Variants in PRR12 observed in about 807,000 individuals in gnomAD.
The protein encoded by PRR12 is proline-rich protein 12.
In PRR12, 12 loss-of-function variants were observed where a neutral mutation model predicts 138.0. The observed-to-expected ratio is 0.09, with a 90% confidence interval of 0.06 to 0.14. The LOEUF is 0.14. Among genes scored for constraint, PRR12 ranks in the 10% least tolerant of loss-of-function variants. PRR12 has a pLI of 1.00. For synonymous variants in PRR12, 1,567 were observed against 1,291.7 expected (o/e 1.21, Z -4.57); for missense variants, 2,692 against 2,861.3 (o/e 0.94, Z 1.35).
chr19:49,597,083 C>T lies in PRR12; in HGVS notation c.2748C>T (p.Pro916=). The T allele has an allele frequency of 6.4e-7, 1 of 1,552,254 alleles. No individual in the cohort carries two copies. The highest frequency in any genetic ancestry group is 8.7e-7 in the Non-Finnish European group (1 of 1,148,262). Residue 916 remains proline (P), a synonymous_variant, in exon 4 of 14, where the codon CCC becomes CCT. Coordinates refer to ENST00000418929, the MANE Select transcript of PRR12 (RefSeq NM_020719.3). This position sits in a 1 kb window ranked among gnomAD's most constrained non-coding sequence, Gnocchi z 6.3. ...ATCCCGCAGGCGCCTACCGCAGCCC[C>T]AGCCCGCAAGGCACCAAGGCGCCGC... is the stretch of plus-strand genomic sequence containing the variant. ...GKDPAGAYRS[P]SPQGTKAPRF...
At chr19:49,600,523 C>T (rs1300968920) in intron 5 of PRR12, among the ~76,000 whole-genome samples, 2 of 150,874 alleles carry the variant, frequency 1.3e-5, no homozygotes, top group Non-Finnish European at 3.0e-5. Context: ...TGGTGGACCA[C>T]ACCTGTAATC....
At chr19:49,621,302 C>T (rs1470665110) in intron 10 of PRR12, among the ~76,000 whole-genome samples, 5 of 126,334 alleles carry the variant, frequency 4.0e-5, no homozygotes, top group Admixed American at 1.7e-4. Context: ...GGGGTCTGGA[C>T]TCCTGGGTCT....
At position 49,596,687 on chromosome 19, in the gene PRR12, G is replaced by A; in HGVS notation, c.2352G>A (p.Glu784=). ...CCACTCCCCATGGCCTCCTTCTGGA[G>A]GCCGGGGGCCCTGACCTCCCACTGG... ...TQPTPHGLLL[E]AGGPDLPLVL... Residue 784 remains glutamate, a synonymous_variant, in exon 4 of 14, where the codon GAG becomes GAA. Coordinates refer to ENST00000418929, the MANE Select transcript of PRR12 (RefSeq NM_020719.3). The surrounding 1 kb of genome is among the most constrained non-coding windows in gnomAD (Gnocchi z 5.6). 1 of 1,603,982 alleles carries A rather than the reference G, an allele frequency of 6.2e-7. No homozygotes were observed.
In PRR12 at chr19:49,591,289, C is replaced by G. The variant is rs1036958288; in HGVS notation, c.-366C>G. The stretch of plus-strand genomic sequence containing the variant: ...AGCGAGCACCCAGCGCCTGCACCCA[C>G]CCCGGGGCCGCCCGGGACGCCCCCT... On this transcript the variant is annotated 5_prime_UTR_variant, in exon 1 of 14. Coordinates refer to ENST00000418929, the MANE Select transcript of PRR12 (RefSeq NM_020719.3). Among the ~76,000 whole-genome samples, 6 of 151,020 alleles carry G rather than the reference C, an allele frequency of 4.0e-5. No individual in the cohort carries two copies. The highest frequency in any genetic ancestry group is 1.5e-4 in the African/African-American group (6 of 41,112).
intron 1 of PRR12, among the ~76,000 whole-genome samples, chr19:49,592,858 C>T (rs932483442): frequency 2.0e-4 from 31 of 152,278 alleles, no homozygotes; most frequent in South Asian, 4.1e-4. Flanking sequence ...CCAACTTGTT[C>T]TGCACCACCC....
In PRR12 at chr19:49,596,994, C is replaced by G; in HGVS notation, c.2659C>G (p.Leu887Val). Residue 887 changes from leucine (L) to valine (V), a missense_variant, in exon 4 of 14, where the codon CTG (leucine) becomes GTG (valine). Leu to Val is a conservative substitution (Grantham distance 32, BLOSUM62 1). Around this residue, in one of 11 missense-constraint regions of PRR12, gnomAD observed 840 missense variants for 689.8 expected, o/e 1.22. Coordinates refer to ENST00000418929, the MANE Select transcript of PRR12 (RefSeq NM_020719.3). This position sits in a 1 kb window ranked among gnomAD's most constrained non-coding sequence, Gnocchi z 5.6. The stretch of plus-strand genomic sequence containing the variant: ...CGCCATGCAGGAATTGCTCGGGGCT[C>G]TGGAGCCGCTGCCCCCGGCGCCTGG... ...PGAMQELLGA[L>V]EPLPPAPGDT... The G allele has an allele frequency of 1.3e-6, 2 of 1,558,576 alleles. No individual in the cohort carries two copies. Among genetic ancestry groups the G allele is most frequent in the Non-Finnish European group, 1.7e-6 (2 of 1,154,936 alleles).
chr19:49,625,036 G>T lies in PRR12; in HGVS notation c.5868+46G>T, dbSNP rs745660452. The T allele has an allele frequency of 6.2e-7, 1 of 1,612,004 alleles. No individual in the cohort carries two copies. The highest frequency in any genetic ancestry group is 8.5e-7 in the Non-Finnish European group (1 of 1,178,568). Reference sequence around the variant, plus strand: ...TGGGAGTGGGGAGTGCTGGCGGTATGTGGGAAGGGAGGAGAGGGGCTGCCA... The same window carrying T: ...TGGGAGTGGGGAGTGCTGGCGGTATTTGGGAAGGGAGGAGAGGGGCTGCCA... On this transcript the variant is annotated intron_variant, in intron 12 of 13. Coordinates refer to ENST00000418929, the MANE Select transcript of PRR12 (RefSeq NM_020719.3). The surrounding 1 kb of genome is among the most constrained non-coding windows in gnomAD (Gnocchi z 5.5).
chr19:49,625,387 C>A lies in PRR12; in HGVS notation c.5965-74C>A, dbSNP rs1050271553. The A allele has an allele frequency of 7.4e-6, 11 of 1,482,666 alleles. No individual in the cohort carries two copies. The highest frequency in any genetic ancestry group is 2.6e-5 in the South Asian group (2 of 76,734). The allele number at this position is 1,482,666 out of a possible 1,614,324, so 91.8% of individuals were successfully genotyped here. ...GGACACTGACATCTGACACCCCAGG[C>A]CCCATGCCCCAGCCCCTTCCCTCCC... On this transcript the variant is annotated intron_variant, in intron 13 of 13. Coordinates refer to ENST00000418929, the MANE Select transcript of PRR12 (RefSeq NM_020719.3). The surrounding 1 kb of genome is among the most constrained non-coding windows in gnomAD (Gnocchi z 5.5).
rs748337015 is a variant in PRR12 at position 49,594,738 on chromosome 19, G to A, written c.403G>A (p.Ala135Thr). ...CCCCACGGAGCTCTTCATCTCGGGT[G>A]CCCTGCCGGGTTCCAGCACCTTTCC... ...PGPTELFISG[A>T]LPGSSTFPSS... The change falls in exon 4 of 14, where the codon GCC becomes ACC. Residue 135 changes from alanine (A) to threonine (T), a missense_variant. By Grantham distance (58) the Ala-to-Thr change is moderately conservative. Coordinates refer to ENST00000418929, the MANE Select transcript of PRR12 (RefSeq NM_020719.3). The surrounding 1 kb of genome is among the most constrained non-coding windows in gnomAD (Gnocchi z 5.6). 1 of 1,613,308 alleles carries A rather than the reference G, an allele frequency of 6.2e-7. No individual in the cohort carries two copies. Among genetic ancestry groups the A allele is most frequent in the Admixed American group, 1.7e-5 (1 of 59,976 alleles).
At position 49,596,843 on chromosome 19, in the gene PRR12, T is replaced by TCCACCGCCACCCCCGCCTCCA; in HGVS notation, c.2514_2534dup (p.Pro839_Pro845dup). 1.3e-6 allele frequency: 2 copies of TCCACCGCCACCCCCGCCTCCA among 1,546,752 alleles called. No homozygotes were observed. The highest frequency in any genetic ancestry group is 1.7e-6 in the Non-Finnish European group (2 of 1,148,746). On this transcript the variant is annotated inframe_insertion, in exon 4 of 14. Transcript: ENST00000418929. The surrounding 1 kb of genome is among the most constrained non-coding windows in gnomAD (Gnocchi z 5.6). ...CCCGCGATGGGGCACCCCAGCCACCTCCACCGCCACCCCCGCCTCCACCAC... is the reference window on the plus strand; with the variant it reads ...CCCGCGATGGGGCACCCCAGCCACCTCCACCGCCACCCCCGCCTCCACCACCGCCACCCCCGCCTCCACCAC...
At position 49,614,706 on chromosome 19, in the gene PRR12, C is replaced by A; in HGVS notation, c.4890+57C>A. On this transcript the variant is annotated intron_variant, in intron 7 of 13. Transcript: ENST00000418929. The surrounding 1 kb of genome is among the most constrained non-coding windows in gnomAD (Gnocchi z 5.0). ...GGCCCCGGGGCGTGGTATCTAGGAG[C>A]TGGGGTTCCCCTTAGTGTGGCTGTG... 3 of 1,497,546 alleles carry A rather than the reference C, an allele frequency of 2.0e-6. No homozygotes were observed. The highest frequency in any genetic ancestry group is 9.1e-7 in the Non-Finnish European group (1 of 1,102,432). 92.8% of individuals were successfully genotyped at this position (1,497,546 alleles called of 1,614,324 possible). A position where few individuals can be genotyped will look rare whatever the true frequency, so the allele number is the denominator to read the frequency against.
chr19:49,617,370 G>A (rs983012612), intron 9 of PRR12, among the ~76,000 whole-genome samples: 2 of 151,992 alleles, frequency 1.3e-5, no homozygotes, highest in African/African-American at 4.8e-5. Context: ...GCTCGCACCG[G>A]TAATCCCTTC....
In PRR12 at chr19:49,597,186, G is replaced by A. The variant is rs1471555850; in HGVS notation, c.2851G>A (p.Glu951Lys). The change falls in exon 4 of 14, where the codon GAG becomes AAG. Residue 951 changes from glutamate to lysine, a missense_variant. Glu to Lys is a moderately conservative substitution (Grantham distance 56, BLOSUM62 1). Transcript: ENST00000418929. The surrounding 1 kb of genome is among the most constrained non-coding windows in gnomAD (Gnocchi z 6.3). The stretch of plus-strand genomic sequence containing the variant: ...GGAGCGCAGCTTCTTCCCCACCATG[G>A]AGGAGATGTTCGGTGGAGGGGCCGC... Reference protein sequence around the residue: ...DEERSFFPTMEEMFGGGAADD... With the variant: ...DEERSFFPTMKEMFGGGAADD... 1 of 1,555,996 alleles carries A rather than the reference G, an allele frequency of 6.4e-7. No individual in the cohort carries two copies. The highest frequency in any genetic ancestry group is 8.7e-7 in the Non-Finnish European group (1 of 1,149,916).
chr19:49,620,774 G>A (rs1456189234), intron 10 of PRR12, among the ~76,000 whole-genome samples: 2 of 144,112 alleles, frequency 1.4e-5, no homozygotes, highest in Non-Finnish European at 3.1e-5. Context: ...AGGAAGGGCT[G>A]GGGGCCTGGA....
At chr19:49,620,019 A>C (rs573556969) in intron 9 of PRR12, among the ~76,000 whole-genome samples, 1 of 150,886 alleles carries the variant, frequency 6.6e-6, no homozygotes, top group African/African-American at 2.4e-5. Context: ...CGCCTGGATA[A>C]TTTTTGTATT....
intron 11 of PRR12, among the ~76,000 whole-genome samples, chr19:49,622,291 C>T (rs936662802): frequency 1.4e-4 from 22 of 152,012 alleles, no homozygotes; most frequent in African/African-American, 3.4e-4. Flanking sequence ...TTAGAAAATA[C>T]GCAGGAAGGC....
At chr19:49,622,662 C>T (rs1408875571) in intron 11 of PRR12, among the ~76,000 whole-genome samples, 5 of 148,654 alleles carry the variant, frequency 3.4e-5, no homozygotes, top group African/African-American at 1.0e-4. Flanking sequence ...GAGGCCAAGA[C>T]GGATGGATCA....
In PRR12 at chr19:49,620,389, G is replaced by A. The variant is rs189353817; in HGVS notation, c.5535G>A (p.Ala1845=). 1.3e-4 allele frequency: 202 copies of A among 1,612,344 alleles called. No individual in the cohort carries two copies. The highest frequency in any genetic ancestry group is 4.5e-5 in the East Asian group (2 of 44,832). ...CTGGGCGTCTGCTCAAAACCAGGGC[G>A]ATGCGGGAGATGTACCGGAGCTACG... The part of the protein sequence containing the change: ...AVPGRLLKTR[A]MREMYRSYVE... The change falls in exon 10 of 14, where the codon GCG becomes GCA. Residue 1845 remains alanine, a synonymous_variant. Transcript: ENST00000418929.
intron 8 of PRR12, 85 bp downstream of exon 8, chr19:49,615,094 AGT>A: frequency 6.4e-7 from 1 of 1,550,628 alleles, no homozygotes; most frequent in South Asian, 1.1e-5. Flanking sequence ...AAGGCTGGAG[AGT>A]GGGGGGTGGG....
Sources: gnomAD v4.1 joint callset for allele counts (sites outside exome capture counted in the v4.1 genomes callset) on GRCh38, gnomAD v4.1.1 for gene constraint, gnomAD v4.1.1 regional missense constraint, Gnocchi (gnomAD v3.1) non-coding constraint, MANE v1.5 for transcripts, NCBI Gene and HGNC (gene_info 2026-07-23, HGNC 2026-07-21) for gene names.